The following SLC5A10 variants were observed in gnomAD, a reference collection of about 807,000 sequenced individuals.
SLC5A10 encodes the protein solute carrier family 5 member 10.
Under a neutral mutation model 68.9 loss-of-function variants are expected in SLC5A10, and 55 were observed. The observed-to-expected ratio is 0.80, with a 90% confidence interval of 0.64 to 1.00. The LOEUF (loss-of-function observed/expected upper bound fraction) is 1.00, where lower values mean the gene tolerates loss of function less well. Among genes scored for constraint, SLC5A10 ranks in the 50% least tolerant of loss-of-function variants. The pLI is 0.00. For synonymous variants in SLC5A10, 344 were observed against 344.8 expected (o/e 1.00, Z 0.02); for missense variants, 732 against 819.3 (o/e 0.89, Z 1.30).
At position 18,960,644 on chromosome 17, in the gene SLC5A10, A is replaced by G. The variant is rs1298965282; in HGVS notation, c.445A>G (p.Lys149Glu). The change falls in exon 5 of 15, where the codon AAG (lysine) becomes GAG (glutamate). Residue 149 changes from lysine to glutamate, a missense_variant. Physicochemically the swap from Lys to Glu is moderately conservative, Grantham distance 56 (BLOSUM62 1). Coordinates refer to ENST00000395645, the MANE Select transcript of SLC5A10 (RefSeq NM_001042450.4). ...VLSLLLSVFT[K>E]ISLDLYAGAL... ...GTCCCTGCTACTGTCTGTCTTCACCAAGATATCGGTGAGCTGCCCCCGGCT... is the reference window on the plus strand; with the variant it reads ...GTCCCTGCTACTGTCTGTCTTCACCGAGATATCGGTGAGCTGCCCCCGGCT... 1.2e-6 allele frequency: 2 copies of G among 1,613,830 alleles called. No individual in the cohort carries two copies. Among genetic ancestry groups the G allele is most frequent in the East Asian group, 2.2e-5 (1 of 44,882 alleles).
At position 19,018,019 on chromosome 17, in the gene SLC5A10, T is replaced by TA. The variant is rs2044176585; in HGVS notation, c.1242-1402dup. ...TGCAGAGGGCGGGGTGGGCAGGCGT[T>TA]AATGGAGGCCCGCCTGGGCCTTTGA... On this transcript the variant is annotated intron_variant, in intron 11 of 14. Coordinates refer to ENST00000395645, the MANE Select transcript of SLC5A10 (RefSeq NM_001042450.4). This position sits in a 1 kb window ranked among gnomAD's most constrained non-coding sequence, Gnocchi z 4.2. 6.6e-6 allele frequency: 1 copy of TA among 152,438 alleles called. No individual in the cohort carries two copies. The highest frequency in any genetic ancestry group is 2.4e-5 in the African/African-American group (1 of 41,392). The allele number at this position is 152,438 out of a possible 1,614,324, so 9.4% of individuals were successfully genotyped here.
At chr17:18,977,904 C>A in intron 9 of SLC5A10, 2 of 1,610,618 alleles carry the variant, frequency 1.2e-6, no homozygotes, top group Non-Finnish European at 1.7e-6. Context: ...CTGAGGGTTA[C>A]GTAGTCGTCA....
chr17:18,962,829 C>T (rs1235218177), intron 5 of SLC5A10, among the ~76,000 whole-genome samples: 1 of 152,138 alleles, frequency 6.6e-6, no homozygotes, highest in Non-Finnish European at 1.5e-5. Flanking sequence ...ACAGGGTTCT[C>T]TGCCCCCTGT....
intron 8 of SLC5A10, chr17:18,976,184 A>G (rs2042973850): frequency 1.3e-5 from 2 of 150,186 alleles, no homozygotes; most frequent in Middle Eastern, 3.4e-3. Context: ...CAAGACTCCG[A>G]CTCAAAAAAA....
chr17:18,981,258 C>A (rs1317279530), intron 9 of SLC5A10, among the ~76,000 whole-genome samples: 1 of 151,992 alleles, frequency 6.6e-6, no homozygotes, highest in Non-Finnish European at 1.5e-5. Flanking sequence ...GGTGGGGAAG[C>A]ATTCCAGGGA....
At chr17:18,953,158 C>T (rs1280958848) in intron 1 of SLC5A10, among the ~76,000 whole-genome samples, 2 of 134,276 alleles carry the variant, frequency 1.5e-5, no homozygotes, top group East Asian at 2.2e-4. Context: ...TTAACTGAGA[C>T]GGAGTCTAGC....
At chr17:18,982,558 G>A (rs969009398) in intron 9 of SLC5A10, among the ~76,000 whole-genome samples, 4 of 152,210 alleles carry the variant, frequency 2.6e-5, no homozygotes, top group Non-Finnish European at 5.9e-5. Flanking sequence ...TCATAAGTAA[G>A]AGAGGACGTC....
At position 18,977,844 on chromosome 17, in the gene SLC5A10, G is replaced by A. The variant is rs1212811913; in HGVS notation, c.982+855G>A. ...GACACAGAGGAAGCCACTGAGGGCC[G>A]TCGGGGGCCAGGGCCACGGCCGGAG... On this transcript the variant is annotated intron_variant, in intron 9 of 14. Coordinates refer to ENST00000395645, the MANE Select transcript of SLC5A10 (RefSeq NM_001042450.4). 4 of 1,610,778 alleles carry A rather than the reference G, an allele frequency of 2.5e-6. No individual in the cohort carries two copies. The highest frequency in any genetic ancestry group is 1.7e-5 in the Admixed American group (1 of 59,904).
chr17:18,977,364 C>T, intron 9 of SLC5A10: 1 of 596,138 alleles, frequency 1.7e-6, no homozygotes, highest in Non-Finnish European at 2.9e-6. Flanking sequence ...GTTGCCTTTT[C>T]AGGATGCTGG....
intron 8 of SLC5A10, among the ~76,000 whole-genome samples, chr17:18,974,573 A>G (rs1181284139): frequency 1.3e-5 from 2 of 152,192 alleles, no homozygotes; most frequent in Non-Finnish European, 2.9e-5. Context: ...TCCCTTAGTC[A>G]GTAGCAGCCA....
intron 1 of SLC5A10, among the ~76,000 whole-genome samples, chr17:18,956,883 G>A (rs1348244784): frequency 1.3e-5 from 2 of 152,048 alleles, no homozygotes. Context: ...ACCCACTAAA[G>A]CTCATAAAAA....
In SLC5A10 at chr17:18,996,022, A is replaced by G. The variant is rs1222615218; in HGVS notation, c.983-17388A>G. Among the ~76,000 whole-genome samples, 1 of 152,152 alleles carries G rather than the reference A, an allele frequency of 6.6e-6. No homozygotes were observed. On this transcript the variant is annotated intron_variant, in intron 9 of 14. Coordinates refer to ENST00000395645, the MANE Select transcript of SLC5A10 (RefSeq NM_001042450.4). The surrounding 1 kb of genome is among the most constrained non-coding windows in gnomAD (Gnocchi z 4.4). ...AAAGTCAGTAACAAAGAGAGCGTTA[A>G]AAACAACCAGAAGAGAAAAGACAAC...
chr17:19,002,078 G>T (rs1385101604), intron 9 of SLC5A10, among the ~76,000 whole-genome samples: 2 of 152,156 alleles, frequency 1.3e-5, no homozygotes, highest in Non-Finnish European at 2.9e-5. Context: ...TGTGGGGCGG[G>T]TCTCTCAGTC....
chr17:19,002,618 TTATC>T (rs1567806528), intron 9 of SLC5A10, among the ~76,000 whole-genome samples: 4 of 152,190 alleles, frequency 2.6e-5, no homozygotes, highest in Non-Finnish European at 4.4e-5. Context: ...TAGGTAAGCT[TTATC>T]TATCAAATTA....
Position 18,989,331 on chromosome 17 carries a change from C to T in SLC5A10, c.982+12342C>T, listed in dbSNP as rs368832735. Among the ~76,000 whole-genome samples the T allele has an allele frequency of 2.2e-3, 340 of 152,308 alleles. 10 individuals carry two copies. In the South Asian group the frequency reaches 0.065, roughly 29 times the overall value. ...AGAGCACCCCAGCCTTGCTGGGATG[C>T]GGAGATTCAGGGTGGTGGAGGCGGC... On this transcript the variant is annotated intron_variant, in intron 9 of 14. Coordinates refer to ENST00000395645, the MANE Select transcript of SLC5A10 (RefSeq NM_001042450.4).
Position 19,017,386 on chromosome 17 carries a change from G to A in SLC5A10, c.1242-2037G>A, listed in dbSNP as rs2044163434. On this transcript the variant is annotated intron_variant, in intron 11 of 14. Transcript: ENST00000395645. This position sits in a 1 kb window ranked among gnomAD's most constrained non-coding sequence, Gnocchi z 5.6. Reference sequence around the variant, plus strand: ...GGTATCTCCTAGGCCTCGTGGTCATGGATCTCTGGTAGGGTGAATGGCCTG... The same window carrying A: ...GGTATCTCCTAGGCCTCGTGGTCATAGATCTCTGGTAGGGTGAATGGCCTG... 3.9e-6 allele frequency: 6 copies of A among 1,551,708 alleles called. No individual in the cohort carries two copies. The highest frequency in any genetic ancestry group is 5.2e-6 in the Non-Finnish European group (6 of 1,146,922).
chr17:19,013,216 A>G, intron 9 of SLC5A10, 194 bp from the exon 10 acceptor site: 1 of 769,192 alleles, frequency 1.3e-6, no homozygotes, highest in Middle Eastern at 2.5e-4. Context: ...GGAGAACAGC[A>G]GGGAAAAGGA....
intron 9 of SLC5A10, among the ~76,000 whole-genome samples, chr17:18,985,147 A>G (rs1388696621): frequency 6.6e-6 from 1 of 152,196 alleles, no homozygotes; most frequent in Non-Finnish European, 1.5e-5. Flanking sequence ...GCTGCGTCTC[A>G]TGGCGGGGCT....
chr17:18,968,945 C>T lies in SLC5A10; in HGVS notation c.454-107C>T. The T allele has an allele frequency of 9.4e-7, 1 of 1,060,014 alleles. No homozygotes were observed. Among genetic ancestry groups the T allele is most frequent in the South Asian group, 1.6e-5 (1 of 62,478 alleles). 65.7% of individuals were successfully genotyped at this position (1,060,014 alleles called of 1,614,324 possible). ...GCGAGTGGGGGTCTCCCCTCCTTATCCACAGGCCACCGAGGCCCAGAGAGG... is the reference window on the plus strand; with the variant it reads ...GCGAGTGGGGGTCTCCCCTCCTTATTCACAGGCCACCGAGGCCCAGAGAGG... On this transcript the variant is annotated intron_variant, in intron 5 of 14. Transcript: ENST00000395645. This position sits in a 1 kb window ranked among gnomAD's most constrained non-coding sequence, Gnocchi z 4.1.
Sources: gnomAD v4.1 joint callset for allele counts (sites outside exome capture counted in the v4.1 genomes callset) on GRCh38, gnomAD v4.1.1 for gene constraint, Gnocchi (gnomAD v3.1) non-coding constraint, MANE v1.5 for transcripts, NCBI Gene and HGNC (gene_info 2026-07-23, HGNC 2026-07-21) for gene names.